SDK1: variants seen among roughly 807,000 people sequenced by gnomAD.
SDK1 encodes protein sidekick-1.
In SDK1, 157 loss-of-function variants were observed where a neutral mutation model predicts 245.5. That is an observed-to-expected ratio of 0.64 (90% CI 0.56 to 0.73). The LOEUF (loss-of-function observed/expected upper bound fraction) is 0.73. Among genes scored for constraint, SDK1 ranks in the 30% least tolerant of loss-of-function variants. The pLI is 0.00. For missense variants in SDK1, 3,583 were observed against 3,002.3 expected, an observed-to-expected ratio of 1.19 and a Z score of -4.52; for synonymous variants, 1,647 against 1,278.5, an observed-to-expected ratio of 1.29 and a Z score of -6.15.
At chr7:3,506,733 A>G (rs979223427) in intron 1 of SDK1, among the ~76,000 whole-genome samples, 7 of 151,894 alleles carry the variant, frequency 4.6e-5, no homozygotes, top group African/African-American at 1.5e-4. Context: ...ATTTATATGC[A>G]TTTAACTATA....
intron 1 of SDK1, among the ~76,000 whole-genome samples, chr7:3,340,123 A>T (rs1245760446): frequency 1.3e-5 from 2 of 150,828 alleles, no homozygotes; most frequent in Non-Finnish European, 3.0e-5. Context: ...TTAGCTTTTT[A>T]TTTTAGTTTT....
At chr7:3,443,626 G>A (rs1363814742) in intron 1 of SDK1, among the ~76,000 whole-genome samples, 2 of 152,258 alleles carry the variant, frequency 1.3e-5, no homozygotes, top group East Asian at 3.9e-4. Flanking sequence ...GGCATTAATT[G>A]GAGCCACACT....
At chr7:3,478,571 G>A (rs1486355908) in intron 1 of SDK1, among the ~76,000 whole-genome samples, 1 of 151,872 alleles carries the variant, frequency 6.6e-6, no homozygotes, top group Non-Finnish European at 1.5e-5. Flanking sequence ...GTATCTATAA[G>A]TCTTTTTGCA....
intron 1 of SDK1, among the ~76,000 whole-genome samples, chr7:3,550,721 T>G (rs1779375107): frequency 6.6e-6 from 1 of 152,248 alleles, no homozygotes; most frequent in Admixed American, 6.5e-5. Context: ...AAATGCTTTA[T>G]ATGATATTAA....
At chr7:3,845,356 G>C (rs1472963754) in intron 5 of SDK1, among the ~76,000 whole-genome samples, 1 of 151,948 alleles carries the variant, frequency 6.6e-6, no homozygotes, top group Non-Finnish European at 1.5e-5. Context: ...TGGGCGTGGT[G>C]GTGCATGCCT....
intron 1 of SDK1, among the ~76,000 whole-genome samples, chr7:3,458,175 G>T (rs1248826711): frequency 6.6e-6 from 1 of 151,460 alleles, no homozygotes; most frequent in Admixed American, 6.6e-5. Flanking sequence ...TGGTGGCCTT[G>T]ATCTGGGTCT....
chr7:3,461,364 G>A (rs779182975), intron 1 of SDK1, among the ~76,000 whole-genome samples: 2 of 152,106 alleles, frequency 1.3e-5, no homozygotes, highest in South Asian at 2.1e-4. Context: ...ACTTCAAACC[G>A]TAACTCTGAG....
chr7:3,863,995 G>A (rs574599151), intron 5 of SDK1, among the ~76,000 whole-genome samples: 37 of 152,264 alleles, frequency 2.4e-4, no homozygotes, highest in African/African-American at 8.7e-4. Context: ...TTAGCTTTTT[G>A]GGGACACATC....
intron 31 of SDK1, 65 bp downstream of exon 31, chr7:4,158,616 C>A: frequency 8.2e-7 from 1 of 1,218,518 alleles, no homozygotes; most frequent in Non-Finnish European, 1.2e-6. Flanking sequence ...ATACTTAGGC[C>A]ACACTTTCGT....
chr7:3,691,903 C>T (rs538127068), intron 4 of SDK1, among the ~76,000 whole-genome samples: 3 of 152,122 alleles, frequency 2.0e-5, no homozygotes, highest in African/African-American at 7.2e-5. Context: ...AATAGCTTAT[C>T]TGAGCCTTTT....
intron 22 of SDK1, among the ~76,000 whole-genome samples, chr7:4,083,529 C>T (rs923754881): frequency 1.1e-5 from 1 of 92,042 alleles, no homozygotes; most frequent in Non-Finnish European, 2.1e-5. Flanking sequence ...TCCACTCCTC[C>T]CTCCCTCCCT....
At chr7:3,970,547 G>C (rs1307317878) in intron 11 of SDK1, among the ~76,000 whole-genome samples, 1 of 152,232 alleles carries the variant, frequency 6.6e-6, no homozygotes, top group African/African-American at 2.4e-5. Flanking sequence ...ACTTGGCGAT[G>C]ACCTTGAGCA....
intron 8 of SDK1, among the ~76,000 whole-genome samples, chr7:3,960,216 C>G (rs922526921): frequency 6.6e-6 from 1 of 152,194 alleles, no homozygotes; most frequent in Non-Finnish European, 1.5e-5. Context: ...CACTGGGCCA[C>G]TCAATGAAAT....
At chr7:3,787,146 T>TCACACACACACACACA (rs34838736) in intron 4 of SDK1, among the ~76,000 whole-genome samples, 8 of 137,746 alleles carry the variant, frequency 5.8e-5, no homozygotes, top group African/African-American at 1.9e-4. Flanking sequence ...AGTATTGAAA[T>TCACACACACACACACA]CACACACACA....
chr7:3,596,235 C>T (rs1781058321), intron 1 of SDK1, among the ~76,000 whole-genome samples: 2 of 152,156 alleles, frequency 1.3e-5, no homozygotes, highest in South Asian at 4.2e-4. Context: ...TTCCATCTGG[C>T]TGGGTTGCAT....
chr7:3,619,294 C>A (rs1048974643), intron 2 of SDK1, 55 bp downstream of exon 2: 8 of 1,475,542 alleles, frequency 5.4e-6, no homozygotes, highest in Non-Finnish European at 6.6e-6. Context: ...GTTTGGAATA[C>A]TTGCCTTACT....
At chr7:3,357,994 A>AT (rs1431739691) in intron 1 of SDK1, among the ~76,000 whole-genome samples, 1 of 152,156 alleles carries the variant, frequency 6.6e-6, no homozygotes, top group Non-Finnish European at 1.5e-5. Flanking sequence ...AGATTGACAT[A>AT]TAAGCTATTC....
intron 1 of SDK1, among the ~76,000 whole-genome samples, chr7:3,481,561 G>T (rs1781523980): frequency 6.6e-6 from 1 of 152,196 alleles, no homozygotes; most frequent in African/African-American, 2.4e-5. Flanking sequence ...CAAAGAATTA[G>T]GTCCAGGTAT....
At chr7:4,059,949 G>A (rs893490162) in intron 19 of SDK1, among the ~76,000 whole-genome samples, 4 of 149,700 alleles carry the variant, frequency 2.7e-5, no homozygotes, top group African/African-American at 7.4e-5. Flanking sequence ...GCGCAGTCTC[G>A]GCTCACTGCA....
Sources: gnomAD v4.1 joint callset for allele counts (sites outside exome capture counted in the v4.1 genomes callset) on GRCh38, gnomAD v4.1.1 for gene constraint, MANE v1.5 for transcripts, NCBI Gene and HGNC (gene_info 2026-07-23, HGNC 2026-07-21) for gene names.